Variants in LHFPL3 observed in about 807,000 individuals in gnomAD.
The protein encoded by LHFPL3 is LHFPL tetraspan subfamily member 3 protein.
LHFPL3 carries 5 observed loss-of-function variants against 19.3 expected under a neutral mutation model. The ratio of observed to expected loss-of-function variants is 0.26; its 90% CI spans 0.14 to 0.54. The LOEUF (loss-of-function observed/expected upper bound fraction) is 0.54. Ranked by LOEUF, LHFPL3 falls within the 20% of genes least tolerant of loss-of-function variation. The pLI is 0.94. For missense variants in LHFPL3, 249 were observed against 307.4 expected (o/e 0.81, Z 1.42); for synonymous variants, 133 against 126.2 (o/e 1.05, Z -0.36).
chr7:104,868,980 AT>A (rs1399416677), intron 2 of LHFPL3, among the ~76,000 whole-genome samples: 8 of 152,200 alleles, frequency 5.3e-5, no homozygotes, highest in Non-Finnish European at 1.2e-4. Flanking sequence ...TGGGGAAACA[AT>A]TCCCTATTTA....
rs1326326077 is a variant in LHFPL3 at position 104,714,380 on chromosome 7, C to T, written c.446-22295C>T. ...AACATATTGTAAATTATCTATTTTT[C>T]ACCATCTGGATAAATTGCTTCAAAG... On this transcript the variant is annotated intron_variant, in intron 1 of 2. Coordinates refer to ENST00000424859, the MANE Select transcript of LHFPL3 (RefSeq NM_199000.3). Among the ~76,000 whole-genome samples the T allele has an allele frequency of 2.6e-5, 4 of 152,072 alleles. No homozygotes were observed. The East Asian group carries it at 7.7e-4, about 29-fold the overall frequency.
intron 2 of LHFPL3, among the ~76,000 whole-genome samples, chr7:104,857,729 A>C (rs1791536188): frequency 6.6e-6 from 1 of 152,214 alleles, no homozygotes; most frequent in Non-Finnish European, 1.5e-5. Context: ...GGAGAATTGT[A>C]ATTTTTAACA....
chr7:104,586,324 T>TAAA (rs1790576171), intron 1 of LHFPL3, among the ~76,000 whole-genome samples: 1 of 152,260 alleles, frequency 6.6e-6, no homozygotes, highest in African/African-American at 2.4e-5. Context: ...TCTCTCATTT[T>TAAA]AGGGTGCCAA....
intron 1 of LHFPL3, among the ~76,000 whole-genome samples, chr7:104,448,302 A>G (rs1792369950): frequency 6.6e-6 from 1 of 152,190 alleles, no homozygotes; most frequent in Non-Finnish European, 1.5e-5. Context: ...CCACAGTGCC[A>G]GAGTTAGAAA....
chr7:104,476,740 A>G (rs913354126), intron 1 of LHFPL3, among the ~76,000 whole-genome samples: 24 of 151,776 alleles, frequency 1.6e-4, no homozygotes, highest in African/African-American at 5.8e-4. Context: ...GATTACAGGC[A>G]TGAGCCACCA....
intron 1 of LHFPL3, among the ~76,000 whole-genome samples, chr7:104,426,861 T>C (rs1791857973): frequency 6.6e-6 from 1 of 152,208 alleles, no homozygotes; most frequent in Non-Finnish European, 1.5e-5. Flanking sequence ...ACTGTAGTCT[T>C]CTTCTTTTAC....
At chr7:104,804,405 C>A (rs1006282646) in intron 2 of LHFPL3, among the ~76,000 whole-genome samples, 1 of 152,214 alleles carries the variant, frequency 6.6e-6, no homozygotes, top group Non-Finnish European at 1.5e-5. Flanking sequence ...CTTTCTTCCA[C>A]GTGATGGGCA....
chr7:104,474,950 TG>T (rs1312881057), intron 1 of LHFPL3, among the ~76,000 whole-genome samples: 1 of 152,146 alleles, frequency 6.6e-6, no homozygotes, highest in African/African-American at 2.4e-5. Context: ...GCACTGGGTA[TG>T]GTGAAAGAAG....
chr7:104,902,649 G>A (rs1274712454), intron 2 of LHFPL3, among the ~76,000 whole-genome samples: 2 of 152,122 alleles, frequency 1.3e-5, no homozygotes, highest in African/African-American at 4.8e-5. Context: ...AGCTGGGCAT[G>A]GTGGCGCATA....
At chr7:104,418,494 T>C (rs1791668006) in intron 1 of LHFPL3, among the ~76,000 whole-genome samples, 1 of 152,164 alleles carries the variant, frequency 6.6e-6, no homozygotes, top group South Asian at 2.1e-4. Flanking sequence ...ATTGCACCAC[T>C]GCACTCCAGC....
At chr7:104,523,103 CAT>C (rs941701765) in intron 1 of LHFPL3, among the ~76,000 whole-genome samples, 8 of 151,770 alleles carry the variant, frequency 5.3e-5, no homozygotes, top group East Asian at 3.9e-4. Context: ...CATATACAGA[CAT>C]ATGTGTATTT....
At chr7:104,712,865 ACT>A (rs2116219803) in intron 1 of LHFPL3, among the ~76,000 whole-genome samples, 1 of 152,310 alleles carries the variant, frequency 6.6e-6, no homozygotes, top group African/African-American at 2.4e-5. Context: ...AGATTGTTTG[ACT>A]CTTTAAAATC....
chr7:104,550,217 C>T (rs1460663412), intron 1 of LHFPL3, among the ~76,000 whole-genome samples: 1 of 152,082 alleles, frequency 6.6e-6, no homozygotes, highest in African/African-American at 2.4e-5. Context: ...CAAAGTCCAC[C>T]AATTTAAATA....
chr7:104,726,284 T>C (rs1033425811), intron 1 of LHFPL3, among the ~76,000 whole-genome samples: 32 of 152,136 alleles, frequency 2.1e-4, no homozygotes, highest in Admixed American at 2.1e-3. Context: ...GTGCCTACTA[T>C]GTAGTTGCAC....
chr7:104,384,442 A>G (rs376031015), intron 1 of LHFPL3, among the ~76,000 whole-genome samples: 1 of 152,240 alleles, frequency 6.6e-6, no homozygotes, highest in African/African-American at 2.4e-5. Flanking sequence ...CAGAGCAGCT[A>G]TCTGTAAGTT....
At chr7:104,879,434 G>A (rs1163649296) in intron 2 of LHFPL3, among the ~76,000 whole-genome samples, 1 of 151,894 alleles carries the variant, frequency 6.6e-6, no homozygotes, top group Non-Finnish European at 1.5e-5. Context: ...AAAATTTTAA[G>A]GTGGACTAGG....
chr7:104,840,384 C>T (rs1791176657), intron 2 of LHFPL3, among the ~76,000 whole-genome samples: 1 of 145,432 alleles, frequency 6.9e-6, no homozygotes, highest in African/African-American at 2.5e-5. Context: ...GGCACAATCG[C>T]GACTATTACA....
At chr7:104,694,632 C>G (rs1301967687) in intron 1 of LHFPL3, among the ~76,000 whole-genome samples, 3 of 152,176 alleles carry the variant, frequency 2.0e-5, no homozygotes, top group Non-Finnish European at 4.4e-5. Context: ...ATGTCTACCA[C>G]TACCACCACT....
intron 1 of LHFPL3, among the ~76,000 whole-genome samples, chr7:104,707,338 AAC>A (rs1308176311): frequency 6.6e-5 from 10 of 152,230 alleles, no homozygotes; most frequent in Non-Finnish European, 1.5e-4. Flanking sequence ...GAATAAAACA[AAC>A]ACCATCATTA....
Sources: allele counts gnomAD v4.1 joint callset (sites outside exome capture counted in the v4.1 genomes callset), GRCh38; gene constraint gnomAD v4.1.1; transcripts MANE v1.5; gene names NCBI Gene and HGNC (gene_info 2026-07-23, HGNC 2026-07-21).